Variants in ATP9A observed in about 807,000 individuals in gnomAD.
ATP9A encodes probable phospholipid-transporting ATPase IIA.
ATP9A carries 52 observed loss-of-function variants against 144.1 expected under a neutral mutation model. The ratio of observed to expected loss-of-function variants is 0.36; its 90% CI spans 0.29 to 0.45. The LOEUF (loss-of-function observed/expected upper bound fraction) is 0.45, where lower values mean the gene tolerates loss of function less well. Ranked by LOEUF, ATP9A falls within the 20% of genes least tolerant of loss-of-function variation. The probability of loss-of-function intolerance (pLI) is 1.00; values close to 1 mark genes in which losing one functional copy is unlikely to be tolerated. For synonymous variants in ATP9A, 582 were observed against 557.4 expected (o/e 1.04, Z -0.62); for missense variants, 947 against 1,392.7 (o/e 0.68, Z 5.09).
intron 2 of ATP9A, among the ~76,000 whole-genome samples, chr20:51,726,555 T>C (rs963697696): frequency 6.6e-6 from 1 of 152,062 alleles, no homozygotes; most frequent in Non-Finnish European, 1.5e-5. Context: ...CACAGGGGCA[T>C]CAACTATGTT....
At chr20:51,613,958 T>C (rs1224690891) in intron 22 of ATP9A, 126 bp from the exon 23 acceptor site, 1 of 1,059,930 alleles carries the variant, frequency 9.4e-7, no homozygotes, top group Non-Finnish European at 1.3e-6. Context: ...AATTCTTTGG[T>C]TTCAAGCTAT....
intron 1 of ATP9A, among the ~76,000 whole-genome samples, chr20:51,763,314 C>CTTTTT (rs199506194): frequency 7.4e-5 from 10 of 135,180 alleles, no homozygotes; most frequent in Non-Finnish European, 1.3e-4. Context: ...GGTTTACATA[C>CTTTTT]TTTTTTTTTT....
chr20:51,708,245 G>C (rs1398887665), intron 4 of ATP9A, among the ~76,000 whole-genome samples: 4 of 149,518 alleles, frequency 2.7e-5, no homozygotes, highest in Non-Finnish European at 4.4e-5. Flanking sequence ...TTGAGCTCGG[G>C]AGTTCAAAAC....
intron 14 of ATP9A, among the ~76,000 whole-genome samples, 190 bp from the exon 15 acceptor site, chr20:51,639,694 A>G (rs2077310583): frequency 6.6e-6 from 1 of 152,182 alleles, no homozygotes; most frequent in African/African-American, 2.4e-5. Flanking sequence ...GAGGGCTCCC[A>G]CACTGAAAGC....
At position 51,604,824 on chromosome 20, in the gene ATP9A, C is replaced by T. The variant is rs61737129; in HGVS notation, c.3000G>A (p.Glu1000=). 3.3e-6 allele frequency: 5 copies of T among 1,503,644 alleles called. No individual in the cohort carries two copies. Among genetic ancestry groups the T allele is most frequent in the Middle Eastern group, 3.6e-4 (2 of 5,596 alleles). 93.1% of individuals were successfully genotyped at this position (1,503,644 alleles called of 1,614,324 possible). The stretch of plus-strand genomic sequence containing the variant: ...AGCATTCAGGGGTCTTACCGATGAA[C>T]TCGTGTAAGAACACCAGGGAGGCGA... The part of the protein sequence containing the change: ...CYIASLVFLH[E]FIDVYFIATL... Residue 1000 remains glutamate (E), a synonymous_variant, in exon 27 of 28, where the codon GAG becomes GAA. Transcript: ENST00000338821.
intron 2 of ATP9A, among the ~76,000 whole-genome samples, chr20:51,728,605 C>T (rs1056609035): frequency 1.0e-4 from 14 of 137,164 alleles, no homozygotes; most frequent in East Asian, 2.1e-4. Flanking sequence ...CCAGCCTGGG[C>T]GACAGAGCGA....
At chr20:51,639,219 C>A in intron 15 of ATP9A, 124 bp downstream of exon 15, 2 of 1,078,892 alleles carry the variant, frequency 1.9e-6, no homozygotes, top group Non-Finnish European at 1.3e-6. Flanking sequence ...GAATTATATT[C>A]CCTTGTTAGT....
chr20:51,613,888 A>G, intron 22 of ATP9A, 56 bp from the exon 23 acceptor site: 2 of 1,491,408 alleles, frequency 1.3e-6, no homozygotes, highest in African/African-American at 1.4e-5. Context: ...GGGCAAACAC[A>G]TTTTCTTTCA....
chr20:51,633,662 C>G (rs1391209479), intron 15 of ATP9A, among the ~76,000 whole-genome samples: 1 of 151,938 alleles, frequency 6.6e-6, no homozygotes, highest in Non-Finnish European at 1.5e-5. Context: ...AGGAGGATCC[C>G]TTGAGTCCAG....
rs746874247 is a variant in ATP9A, at chr20:51,658,888, C to CGGTGGGGCGGGGGGGGGGGGGGGGGGG, written c.1294-1739_1294-1738insCCCCCCCCCCCCCCCCCCCGCCCCACC. On this transcript the variant is annotated intron_variant, in intron 13 of 27. Transcript: ENST00000338821. The stretch of plus-strand genomic sequence containing the variant: ...ATATAATGAAAATTAAGACCACTGG[C>CGGTGGGGCGGGGGGGGGGGGGGGGGGG]GGGGGGGGGGGGGGGAAGGCTCATT... Among the ~76,000 whole-genome samples the CGGTGGGGCGGGGGGGGGGGGGGGGGGG allele has an allele frequency of 3.6e-5, 2 of 54,828 alleles. 1 individual carries two copies. The allele number at this position is 54,828 out of a possible 152,430, so 36.0% of individuals were successfully genotyped here. A position where few individuals can be genotyped will look rare whatever the true frequency, so the allele number is the denominator to read the frequency against.
intron 14 of ATP9A, among the ~76,000 whole-genome samples, chr20:51,655,233 GA>G (rs2077382263): frequency 6.6e-6 from 1 of 151,970 alleles, no homozygotes; most frequent in Non-Finnish European, 1.5e-5. Flanking sequence ...AATAGTAAGT[GA>G]AAAAAGGAGG....
At chr20:51,742,054 T>C (rs2077787342) in intron 1 of ATP9A, among the ~76,000 whole-genome samples, 1 of 152,208 alleles carries the variant, frequency 6.6e-6, no homozygotes, top group South Asian at 2.1e-4. Flanking sequence ...TGGCCAGGCA[T>C]GGCTCACACC....
At chr20:51,757,408 C>A (rs1467284485) in intron 1 of ATP9A, among the ~76,000 whole-genome samples, 1 of 152,102 alleles carries the variant, frequency 6.6e-6, no homozygotes, top group Non-Finnish European at 1.5e-5. Context: ...ACTGTTGACA[C>A]TACAAACTGA....
At position 51,671,253 on chromosome 20, in the gene ATP9A, G is replaced by A. The variant is rs757839131; in HGVS notation, c.1042C>T (p.Arg348Cys). The change falls in exon 12 of 28, where the codon CGT (arginine) becomes TGT (cysteine). Residue 348 changes from arginine (R) to cysteine (C), a missense_variant. This residue lies in a region of ATP9A where 770 missense variants were observed against 1,047.9 expected (regional missense o/e 0.73). Transcript: ENST00000338821. Reference protein sequence around the residue: ...LFSNIIPISLRVNLDMGKIVY... With the variant: ...LFSNIIPISLCVNLDMGKIVY... ...ATCTTGCCCATGTCCAGGTTCACAC[G>A]CAAACTAGGCACAAAACCAGAGCAA... The A allele has an allele frequency of 1.1e-5, 17 of 1,612,582 alleles. No homozygotes were observed. Among genetic ancestry groups the A allele is most frequent in the African/African-American group, 8.0e-5 (6 of 74,988 alleles).
intron 1 of ATP9A, among the ~76,000 whole-genome samples, chr20:51,764,638 C>T (rs1373494871): frequency 1.3e-5 from 2 of 152,086 alleles, no homozygotes; most frequent in African/African-American, 4.8e-5. Context: ...TGGGTGGATC[C>T]GGTTCAAAAC....
At chr20:51,640,719 CAG>C (rs1204417840) in intron 14 of ATP9A, among the ~76,000 whole-genome samples, 2 of 152,166 alleles carry the variant, frequency 1.3e-5, no homozygotes, top group African/African-American at 4.8e-5. Context: ...AACTCCAAGA[CAG>C]GGGCCAGAGT....
intron 17 of ATP9A, among the ~76,000 whole-genome samples, chr20:51,625,814 GCTT>G (rs2077246100): frequency 2.0e-5 from 3 of 152,214 alleles, no homozygotes; most frequent in Non-Finnish European, 4.4e-5. Flanking sequence ...CCAAACTGCC[GCTT>G]CTTCTCTTTA....
At chr20:51,689,161 C>A in intron 8 of ATP9A, 22 bp from the exon 9 acceptor site, 1 of 1,611,968 alleles carries the variant, frequency 6.2e-7, no homozygotes, top group Non-Finnish European at 8.5e-7. Flanking sequence ...CAAACGGACA[C>A]ACGTTCACCC....
At chr20:51,711,734 G>A (rs1003783434) in intron 4 of ATP9A, among the ~76,000 whole-genome samples, 3 of 151,922 alleles carry the variant, frequency 2.0e-5, no homozygotes, top group Admixed American at 6.6e-5. Context: ...CTTTTCCACC[G>A]TGTGTTTCAG....
Sources: gnomAD v4.1 joint callset for allele counts (sites outside exome capture counted in the v4.1 genomes callset) on GRCh38, gnomAD v4.1.1 for gene constraint, gnomAD v4.1.1 regional missense constraint, MANE v1.5 for transcripts, NCBI Gene and HGNC (gene_info 2026-07-23, HGNC 2026-07-21) for gene names.